Variants in SYCE1L observed in about 807,000 individuals in gnomAD.
SYCE1L encodes the protein synaptonemal complex central element protein 1 like, also known as synaptonemal complex central element protein 1-like.
In SYCE1L, 51 loss-of-function variants were observed where a neutral mutation model predicts 39.6. The ratio of observed to expected loss-of-function variants is 1.29; its 90% CI spans 1.03 to 1.63. The LOEUF (loss-of-function observed/expected upper bound fraction) is 1.63, where lower values mean the gene tolerates loss of function less well. Ranked by LOEUF, SYCE1L falls within the 40% of genes most tolerant of loss-of-function variation. SYCE1L has a pLI of 0.00. For missense variants in SYCE1L, 426 were observed against 304.9 expected (o/e 1.40, Z -2.96); for synonymous variants, 147 against 122.4 (o/e 1.20, Z -1.33).
rs1242491076 is a variant in SYCE1L, at chr16:77,212,947, C to G, written c.*16C>G. The G allele has an allele frequency of 3.4e-6, 5 of 1,486,808 alleles. No individual in the cohort carries two copies. The highest frequency in any genetic ancestry group is 4.5e-6 in the Non-Finnish European group (5 of 1,120,812). 92.1% of individuals were successfully genotyped at this position (1,486,808 alleles called of 1,614,324 possible). On this transcript the variant is annotated 3_prime_UTR_variant, in exon 11 of 11. Transcript: ENST00000378644. ...CGCCCTCTAGGCCAGCAGGACCCGCCCGTTCCCGACCTTCCCTCGAGACCC... is the reference window on the plus strand; with the variant it reads ...CGCCCTCTAGGCCAGCAGGACCCGCGCGTTCCCGACCTTCCCTCGAGACCC...
In SYCE1L at chr16:77,200,291, T is replaced by TATATATATATATATATACACACACAC; in HGVS notation, c.61+780_61+781insTATATATATATATATACACACACACA. Reference sequence around the variant, plus strand: ...ATATATGTGTATATATATATATATATACACACACTAATCAGCCGGGCGCGG... The same window carrying TATATATATATATATATACACACACAC: ...ATATATGTGTATATATATATATATATATATATATATATATATACACACACACACACACACTAATCAGCCGGGCGCGG... On this transcript the variant is annotated intron_variant, in intron 1 of 10. Coordinates refer to ENST00000378644, the MANE Select transcript of SYCE1L (RefSeq NM_001129979.3). The TATATATATATATATATACACACACAC allele has an allele frequency of 1.6e-3, 174 of 111,184 alleles. 3 individuals carry two copies. The highest frequency in any genetic ancestry group is 5.8e-3 in the African/African-American group (172 of 29,536). The allele number at this position is 111,184 out of a possible 1,614,324, so 6.9% of individuals were successfully genotyped here. A position where few individuals can be genotyped will look rare whatever the true frequency, so the allele number is the denominator to read the frequency against.
chr16:77,203,296 T>G (rs541261804), intron 1 of SYCE1L, among the ~76,000 whole-genome samples: 1 of 152,228 alleles, frequency 6.6e-6, no homozygotes, highest in African/African-American at 2.4e-5. Context: ...GGGAGACTTT[T>G]CCTTTTTATT....
intron 1 of SYCE1L, chr16:77,200,228 G>GTT (rs1393475296): frequency 8.1e-6 from 1 of 122,784 alleles, no homozygotes; most frequent in Non-Finnish European, 1.7e-5. Context: ...GTATGTATGT[G>GTT]TGTGTATATA....
intron 1 of SYCE1L, 117 bp downstream of exon 1, chr16:77,199,629 A>G: frequency 1.1e-6 from 1 of 921,878 alleles, no homozygotes; most frequent in Non-Finnish European, 1.6e-6. Context: ...ATAAAATGTT[A>G]AGCCTTTTGT....
intron 2 of SYCE1L, among the ~76,000 whole-genome samples, chr16:77,207,005 C>T (rs554889385): frequency 3.9e-4 from 60 of 152,254 alleles, no homozygotes; most frequent in African/African-American, 6.7e-4. Context: ...AATACTATCA[C>T]GTCAGTCTAT....
Position 77,212,950 on chromosome 16 carries a change from T to G in SYCE1L, c.*19T>G, listed in dbSNP as rs2278048. 0.65 allele frequency: 969,945 copies of G among 1,483,668 alleles called. 319,426 individuals are homozygous for G. The highest frequency in any genetic ancestry group is 0.67 in the Non-Finnish European group (753,352 of 1,118,592). The allele number at this position is 1,483,668 out of a possible 1,614,324, so 91.9% of individuals were successfully genotyped here. A position where few individuals can be genotyped will look rare whatever the true frequency, so the allele number is the denominator to read the frequency against. On this transcript the variant is annotated 3_prime_UTR_variant, in exon 11 of 11. Transcript: ENST00000378644. ...CCTCTAGGCCAGCAGGACCCGCCCG[T>G]TCCCGACCTTCCCTCGAGACCCGCC...
At position 77,208,479 on chromosome 16, in the gene SYCE1L, A is replaced by G. The variant is rs2054801083; in HGVS notation, c.196A>G (p.Ser66Gly). The change falls in exon 4 of 11, where the codon AGT becomes GGT. Residue 66 changes from serine (S) to glycine (G), a missense_variant. Coordinates refer to ENST00000378644, the MANE Select transcript of SYCE1L (RefSeq NM_001129979.3). The part of the protein sequence containing the change: ...NDLQQAKKKS[S>G]EELRETHSLW... ...TCTTGGCCCAGCAAAGAAGAAATCC[A>G]GTGAGGAACTGAGAGAGACCCACAG... is the stretch of plus-strand genomic sequence containing the variant. 6.4e-7 allele frequency: 1 copy of G among 1,551,736 alleles called. No individual in the cohort carries two copies. Among genetic ancestry groups the G allele is most frequent in the Non-Finnish European group, 8.7e-7 (1 of 1,147,004 alleles).
intron 6 of SYCE1L, among the ~76,000 whole-genome samples, chr16:77,209,841 C>T (rs2054810556): frequency 6.6e-6 from 1 of 152,152 alleles, no homozygotes; most frequent in African/African-American, 2.4e-5. Context: ...TAGCCATTCA[C>T]CTACTCACTC....
chr16:77,200,298 A>ACT (rs2054724954), intron 1 of SYCE1L: 1 of 145,560 alleles, frequency 6.9e-6, no homozygotes, highest in Non-Finnish European at 1.5e-5. Flanking sequence ...ATATACACAC[A>ACT]CTAATCAGCC....
intron 1 of SYCE1L, chr16:77,201,518 G>T (rs1449475854): frequency 6.6e-6 from 1 of 152,164 alleles, no homozygotes; most frequent in Non-Finnish European, 1.5e-5. Context: ...GAAGAGAGCT[G>T]ACTCAAAGTA....
chr16:77,206,571 C>A (rs921932678), intron 2 of SYCE1L, 71 bp downstream of exon 2: 11 of 1,452,878 alleles, frequency 7.6e-6, no homozygotes, highest in African/African-American at 2.8e-5. Context: ...CAAATTCAGC[C>A]CCCTGAACTC....
chr16:77,201,250 A>T (rs2054739315), intron 1 of SYCE1L: 1 of 152,260 alleles, frequency 6.6e-6, no homozygotes, highest in Non-Finnish European at 1.5e-5. Flanking sequence ...AACAAAAGAC[A>T]GACGGAAATA....
At chr16:77,202,189 G>A (rs2054750272) in intron 1 of SYCE1L, 1 of 152,118 alleles carries the variant, frequency 6.6e-6, no homozygotes, top group African/African-American at 2.4e-5. Flanking sequence ...TTTGATTGTT[G>A]TACTATGGTT....
Position 77,213,210 on chromosome 16 carries a change from C to T in SYCE1L, c.*279C>T, listed in dbSNP as rs1410299084. The T allele has an allele frequency of 1.4e-5, 5 of 359,612 alleles. No homozygotes were observed. The highest frequency in any genetic ancestry group is 2.5e-5 in the Non-Finnish European group (5 of 201,094). 22.3% of individuals were successfully genotyped at this position (359,612 alleles called of 1,614,324 possible). A position where few individuals can be genotyped will look rare whatever the true frequency, so the allele number is the denominator to read the frequency against. Reference sequence around the variant, plus strand: ...GCCTCATCTCGAGTTCCCAAACCATCTATGTTGTCAACAGGGGCCGGAGGG... The same window carrying T: ...GCCTCATCTCGAGTTCCCAAACCATTTATGTTGTCAACAGGGGCCGGAGGG... On this transcript the variant is annotated 3_prime_UTR_variant, in exon 11 of 11. Transcript: ENST00000378644.
intron 5 of SYCE1L, 84 bp downstream of exon 5, chr16:77,209,228 C>A: frequency 6.8e-7 from 1 of 1,473,804 alleles, no homozygotes. Flanking sequence ...AGAGGAATCC[C>A]ACTGAAACCT....
Position 77,212,874 on chromosome 16 carries a change from C to A in SYCE1L, c.672C>A (p.Pro224=), listed in dbSNP as rs1047826720. ...AGEGEAGPEL[P]RARDEEDPEP... ...CCCGGCAGGCCGGACCTGAGCTCCC[C>A]CGCGCTCGCGACGAGGAGGATCCCG... is the stretch of plus-strand genomic sequence containing the variant. Residue 224 remains proline (P), a synonymous_variant, in exon 11 of 11, where the codon CCC becomes CCA. Transcript: ENST00000378644. 6.6e-7 allele frequency: 1 copy of A among 1,521,636 alleles called. No homozygotes were observed. Among genetic ancestry groups the A allele is most frequent in the Non-Finnish European group, 8.8e-7 (1 of 1,136,770 alleles). 94.3% of individuals were successfully genotyped at this position (1,521,636 alleles called of 1,614,324 possible).
chr16:77,212,456 C>T, intron 9 of SYCE1L, 87 bp downstream of exon 9: 4 of 1,537,770 alleles, frequency 2.6e-6, no homozygotes, highest in Non-Finnish European at 3.5e-6. Context: ...CCCCCGACTG[C>T]CGCTTCCCCG....
chr16:77,212,150 C>T lies in SYCE1L; in HGVS notation c.444C>T (p.Ala148=), dbSNP rs892342494. Residue 148 remains alanine (A), a synonymous_variant, in exon 8 of 11, where the codon GCC becomes GCT. Coordinates refer to ENST00000378644, the MANE Select transcript of SYCE1L (RefSeq NM_001129979.3). ...CGCAGATGCTGGAGCAGCGACTGGC[C>T]CGGGAGATCCGTGCCCTGGAGAGAA... is the stretch of plus-strand genomic sequence containing the variant. ...WEFHMLEQRL[A]REIRALERSK... 7 of 1,548,706 alleles carry T rather than the reference C, an allele frequency of 4.5e-6. No homozygotes were observed. In the South Asian group the frequency reaches 7.1e-5, roughly 16 times the overall value.
At chr16:77,203,421 CA>C (rs56384724) in intron 1 of SYCE1L, among the ~76,000 whole-genome samples, 75,615 of 145,820 alleles carry the variant, frequency 0.52, 21,673 homozygotes, top group Non-Finnish European at 0.65. Context: ...GATTTCAGGC[CA>C]AAAAAAAAAG....
Sources: gnomAD v4.1 joint callset for allele counts (sites outside exome capture counted in the v4.1 genomes callset) on GRCh38, gnomAD v4.1.1 for gene constraint, MANE v1.5 for transcripts, NCBI Gene and HGNC (gene_info 2026-07-23, HGNC 2026-07-21) for gene names.